The following NUP93 variants were observed in gnomAD, a reference collection of about 807,000 sequenced individuals.
The protein encoded by NUP93 is nuclear pore complex protein Nup93.
A neutral mutation model predicts 107.8 loss-of-function variants in NUP93; 55 were observed. The observed-to-expected ratio is 0.51, with a 90% CI of 0.41 to 0.64. NUP93 has a LOEUF of 0.64. Among genes scored for constraint, NUP93 ranks in the 30% least tolerant of loss-of-function variants. The probability of loss-of-function intolerance (pLI) is 0.00; values close to 1 mark genes in which losing one functional copy is unlikely to be tolerated. For missense variants in NUP93, 937 were observed against 1,044.7 expected (o/e 0.90, Z 1.42); for synonymous variants, 390 against 397.5 (o/e 0.98, Z 0.22).
At chr16:56,827,584 T>C (rs1232245577) in intron 8 of NUP93, among the ~76,000 whole-genome samples, 2 of 152,196 alleles carry the variant, frequency 1.3e-5, no homozygotes, top group African/African-American at 4.8e-5. Context: ...ACCTACTTCA[T>C]TGTGGGATTC....
chr16:56,849,677 A>T lies in NUP93; in HGVS notation c.*5068A>T, dbSNP rs1348437932. 6.6e-6 allele frequency: 1 copy of T among 152,256 alleles called. No individual in the cohort carries two copies. The highest frequency in any genetic ancestry group is 2.4e-5 in the African/African-American group (1 of 41,456). 9.4% of individuals were successfully genotyped at this position (152,256 alleles called of 1,614,324 possible). Reference sequence around the variant, plus strand: ...ACTCAATTAAGTTTGCATTTTGGATAAACAGTGAAGAAGTTCCTAGTGTAA... The same window carrying T: ...ACTCAATTAAGTTTGCATTTTGGATTAACAGTGAAGAAGTTCCTAGTGTAA... On this transcript the variant is annotated 3_prime_UTR_variant, in exon 22 of 22. Coordinates refer to ENST00000308159, the MANE Select transcript of NUP93 (RefSeq NM_014669.5).
intron 3 of NUP93, among the ~76,000 whole-genome samples, chr16:56,764,307 A>G (rs1051522926): frequency 6.6e-6 from 1 of 152,182 alleles, no homozygotes; most frequent in Non-Finnish European, 1.5e-5. Flanking sequence ...CCTAGTCAAC[A>G]TGGTGAAACC....
In NUP93 at chr16:56,809,468, T is replaced by G. The variant is rs1348646260; in HGVS notation, c.489+3836T>G. ...AAGATTTAAAATTACGTTACAAAAATTATGGTGCTAGGTGTTTTCAGGTAA... is the reference window on the plus strand; with the variant it reads ...AAGATTTAAAATTACGTTACAAAAAGTATGGTGCTAGGTGTTTTCAGGTAA... On this transcript the variant is annotated intron_variant, in intron 5 of 21. Transcript: ENST00000308159. 3.3e-5 allele frequency among the ~76,000 whole-genome samples: 5 copies of G among 152,276 alleles called. No individual in the cohort carries two copies. In the East Asian group the frequency reaches 9.6e-4, roughly 29 times the overall value.
Position 56,823,856 on chromosome 16 carries a change from C to CAGT in NUP93, c.794+13_794+15dup. ...CGTACCTTGAGCAGAGGTAAGGCAG[C>CAGT]AGTAGCACAGTGGGGCTGGCTTTCA... On this transcript the variant is annotated intron_variant, in intron 8 of 21. Transcript: ENST00000308159. 1 of 1,611,814 alleles carries CAGT rather than the reference C, an allele frequency of 6.2e-7. No individual in the cohort carries two copies.
intron 5 of NUP93, among the ~76,000 whole-genome samples, chr16:56,808,893 C>T (rs1291056780): frequency 1.3e-5 from 2 of 150,180 alleles, no homozygotes; most frequent in African/African-American, 4.9e-5. Context: ...TTAAAGCACC[C>T]TGTCCCCAAA....
intron 3 of NUP93, among the ~76,000 whole-genome samples, chr16:56,776,058 A>ATT (rs5817075): frequency 6.8e-6 from 1 of 147,410 alleles, no homozygotes; most frequent in African/African-American, 2.5e-5. Flanking sequence ...TTGGTGCCAG[A>ATT]TTTTTTTTTT....
chr16:56,770,223 C>T lies in NUP93; in HGVS notation c.297+11568C>T, dbSNP rs1170838023. 3.3e-5 allele frequency among the ~76,000 whole-genome samples: 5 copies of T among 152,138 alleles called. 1 individual carries two copies. The highest frequency in any genetic ancestry group is 1.2e-4 in the African/African-American group (5 of 41,428). ...CAAGAGTAGGTGACAATTAGGTTTG[C>T]CTGGTTCCACTCTGCTGGCATGGAG... is the stretch of plus-strand genomic sequence containing the variant. On this transcript the variant is annotated intron_variant, in intron 3 of 21. Coordinates refer to ENST00000308159, the MANE Select transcript of NUP93 (RefSeq NM_014669.5).
In NUP93 at chr16:56,831,957, G is replaced by A. The variant is rs761782738; in HGVS notation, c.1201G>A (p.Asp401Asn). Residue 401 changes from aspartate (D) to asparagine (N), a missense_variant, in exon 11 of 22, where the codon GAC becomes AAC. Coordinates refer to ENST00000308159, the MANE Select transcript of NUP93 (RefSeq NM_014669.5). The part of the protein sequence containing the change: ...YCIIGRCDVT[D>N]NQSEVADKTE... ...TATCATTGGCAGATGTGACGTCACC[G>A]ACAACCAGAGTGAAGTGGCGGACAA... 3.1e-6 allele frequency: 5 copies of A among 1,614,062 alleles called. No individual in the cohort carries two copies. The highest frequency in any genetic ancestry group is 1.1e-5 in the South Asian group (1 of 91,066).
At chr16:56,819,560 T>A (rs1963501892) in intron 6 of NUP93, among the ~76,000 whole-genome samples, 1 of 152,114 alleles carries the variant, frequency 6.6e-6, no homozygotes, top group African/African-American at 2.4e-5. Context: ...CTTGTGGCCC[T>A]CAACATTATC....
chr16:56,734,630 TGA>T (rs1961583373), intron 1 of NUP93, among the ~76,000 whole-genome samples: 2 of 134,806 alleles, frequency 1.5e-5, no homozygotes, highest in South Asian at 4.9e-4. Flanking sequence ...CACCCAGATG[TGA>T]CACATGAGAG....
At chr16:56,788,509 T>C (rs141074571) in intron 3 of NUP93, among the ~76,000 whole-genome samples, 177 of 152,360 alleles carry the variant, frequency 1.2e-3, no homozygotes, top group Non-Finnish European at 2.0e-3. Flanking sequence ...TTTATCATTT[T>C]ATTCATTTAT....
At position 56,833,391 on chromosome 16, in the gene NUP93, CA is replaced by C. The variant is rs772734741; in HGVS notation, c.1523del (p.Gln508ArgfsTer19). ...GAAGCTGCTTTTAAAGTCCTCTGGA[CA>C]GAGTGCTCAGCTCCGTGAGTATTTG... Reference protein sequence around the residue: ...ELKLLLKSSGQSAQLLSHEPG... With the variant: ...ELKLLLKSSGXSAQLLSHEPG... On this transcript the variant is annotated frameshift_variant, in exon 13 of 22. Transcript: ENST00000308159. LOFTEE classifies it high-confidence loss of function. 6.4e-7 allele frequency: 1 copy of C among 1,553,318 alleles called. No individual in the cohort carries two copies. The highest frequency in any genetic ancestry group is 1.4e-5 in the African/African-American group (1 of 70,846).
At chr16:56,741,366 G>A (rs1961736850) in intron 1 of NUP93, among the ~76,000 whole-genome samples, 2 of 152,186 alleles carry the variant, frequency 1.3e-5, no homozygotes, top group African/African-American at 4.8e-5. Context: ...CTTGAAGTAG[G>A]TAGGAATTAC....
chr16:56,786,292 T>C (rs1319198284), intron 3 of NUP93, among the ~76,000 whole-genome samples: 2 of 152,212 alleles, frequency 1.3e-5, no homozygotes, highest in Non-Finnish European at 1.5e-5. Context: ...CAGCTCATGT[T>C]ATAGTTAAGT....
chr16:56,831,802 T>C (rs1485735730), intron 10 of NUP93, 40 bp from the exon 11 acceptor site: 5 of 1,589,386 alleles, frequency 3.1e-6, no homozygotes, highest in Admixed American at 3.6e-5. Context: ...AGGATTTTTA[T>C]TGAGTATGTA....
chr16:56,793,115 G>A (rs1418622840), intron 3 of NUP93, among the ~76,000 whole-genome samples: 2 of 152,142 alleles, frequency 1.3e-5, no homozygotes, highest in Non-Finnish European at 2.9e-5. Flanking sequence ...GCCCTTAATT[G>A]CTTCCTGAAT....
intron 20 of NUP93, among the ~76,000 whole-genome samples, chr16:56,840,793 C>T (rs574603361): frequency 7.4e-4 from 112 of 152,080 alleles, no homozygotes; most frequent in Non-Finnish European, 1.4e-3. Flanking sequence ...GTCAGGAGTT[C>T]GAGACCAGCC....
chr16:56,817,404 G>A (rs1458666139), intron 5 of NUP93, among the ~76,000 whole-genome samples: 1 of 152,130 alleles, frequency 6.6e-6, no homozygotes, highest in Non-Finnish European at 1.5e-5. Flanking sequence ...TCATAGTGCT[G>A]GGAAGCTTGG....
chr16:56,833,382 T>G lies in NUP93; in HGVS notation c.1513T>G (p.Ser505Ala). 4 of 1,563,744 alleles carry G rather than the reference T, an allele frequency of 2.6e-6. No individual in the cohort carries two copies. The highest frequency in any genetic ancestry group is 3.4e-6 in the Non-Finnish European group (4 of 1,161,684). ...GTTTGAGCTGAAGCTGCTTTTAAAG[T>G]CCTCTGGACAGAGTGCTCAGCTCCG... Reference protein sequence around the residue: ...VLFELKLLLKSSGQSAQLLSH... With the variant: ...VLFELKLLLKASGQSAQLLSH... Residue 505 changes from serine (S) to alanine (A), a missense_variant, in exon 13 of 22, where the codon TCC becomes GCC. Transcript: ENST00000308159.
Sources: allele counts gnomAD v4.1 joint callset (sites outside exome capture counted in the v4.1 genomes callset), GRCh38; gene constraint gnomAD v4.1.1; transcripts MANE v1.5; gene names NCBI Gene and HGNC (gene_info 2026-07-23, HGNC 2026-07-21).